APAF1: variants seen among roughly 807,000 people sequenced by gnomAD.
The protein encoded by APAF1 is apoptotic peptidase activating factor 1, also known as apoptotic protease-activating factor 1.
APAF1 carries 91 observed loss-of-function variants against 152.4 expected under a neutral mutation model. The ratio of observed to expected loss-of-function variants is 0.60; its 90% CI spans 0.50 to 0.71. APAF1 has a LOEUF of 0.71. APAF1 is among the 30% of genes least tolerant of loss of function. APAF1 has a pLI of 0.00. For missense variants in APAF1, 1,283 were observed against 1,472.0 expected (o/e 0.87, Z 2.10); for synonymous variants, 484 against 494.1 (o/e 0.98, Z 0.27).
At chr12:98,676,528 A>G (rs1008400047) in intron 12 of APAF1, among the ~76,000 whole-genome samples, 6 of 152,224 alleles carry the variant, frequency 3.9e-5, no homozygotes, top group African/African-American at 1.4e-4. Context: ...TTTAGATACT[A>G]TGAGCAGTAA....
intron 14 of APAF1, 152 bp from the exon 15 acceptor site, chr12:98,682,991 A>G: frequency 1.5e-6 from 1 of 665,520 alleles, no homozygotes; most frequent in Non-Finnish European, 2.6e-6. Flanking sequence ...TATTTTAGAA[A>G]GGGGAGAGGT....
rs974786633 is a variant in APAF1 at position 98,665,438 on chromosome 12, G to A, written c.956-115G>A. The A allele has an allele frequency of 1.3e-5, 10 of 795,232 alleles. No individual in the cohort carries two copies. The African/African-American group carries it at 1.4e-4, about 11-fold the overall frequency. The allele number at this position is 795,232 out of a possible 1,614,324, so 49.3% of individuals were successfully genotyped here. A position where few individuals can be genotyped will look rare whatever the true frequency, so the allele number is the denominator to read the frequency against. ...AAGTCAAGAGTGATAAATACTTAAG[G>A]CTTTTGATAACATGCAGCAGAAATT... On this transcript the variant is annotated intron_variant, in intron 7 of 26. Transcript: ENST00000551964.
At chr12:98,700,690 T>C (rs1167693202) in intron 17 of APAF1, among the ~76,000 whole-genome samples, 1 of 152,250 alleles carries the variant, frequency 6.6e-6, no homozygotes, top group Non-Finnish European at 1.5e-5. Flanking sequence ...CACAATGCTG[T>C]GTAGCCATTA....
intron 22 of APAF1, among the ~76,000 whole-genome samples, chr12:98,717,323 AATATAT>A (rs1316434572): frequency 6.6e-6 from 1 of 151,238 alleles, no homozygotes; most frequent in African/African-American, 2.4e-5. Flanking sequence ...CAGACAGGTA[AATATAT>A]ATAATATATA....
chr12:98,648,348 A>G lies in APAF1; in HGVS notation c.-12A>G, dbSNP rs1365940627. 6.2e-7 allele frequency: 1 copy of G among 1,614,072 alleles called. No individual in the cohort carries two copies. The highest frequency in any genetic ancestry group is 8.5e-7 in the Non-Finnish European group (1 of 1,179,978). On this transcript the variant is annotated 5_prime_UTR_variant, in exon 2 of 27. Transcript: ENST00000551964. ...TGGTTGACAGCTCAGAGAGAGAAAGATCTGAGGGAAGATGGATGCAAAAGC... is the reference window on the plus strand; with the variant it reads ...TGGTTGACAGCTCAGAGAGAGAAAGGTCTGAGGGAAGATGGATGCAAAAGC...
At chr12:98,697,345 G>T (rs1223183432) in intron 16 of APAF1, among the ~76,000 whole-genome samples, 1 of 152,098 alleles carries the variant, frequency 6.6e-6, no homozygotes, top group African/African-American at 2.4e-5. Flanking sequence ...AGTTATTTAT[G>T]TGCTTGTCTT....
rs916808744 is a variant in APAF1, at chr12:98,734,197, C to T, written c.*1631C>T. ...CTAGAAGATTAACCTTCCAGCCAAC[C>T]TATTTTCCTTTCCCTTGTCTCTCTC... On this transcript the variant is annotated 3_prime_UTR_variant, in exon 27 of 27. Coordinates refer to ENST00000551964, the MANE Select transcript of APAF1 (RefSeq NM_181861.2). The T allele has an allele frequency of 6.6e-6, 1 of 152,162 alleles. No homozygotes were observed. The highest frequency in any genetic ancestry group is 1.9e-4 in the East Asian group (1 of 5,198). The allele number at this position is 152,162 out of a possible 1,614,324, so 9.4% of individuals were successfully genotyped here.
In APAF1 at chr12:98,735,174, C is replaced by T. The variant is rs765914551; in HGVS notation, c.*2608C>T. On this transcript the variant is annotated 3_prime_UTR_variant, in exon 27 of 27. Transcript: ENST00000551964. ...CAAATTTCATGGCAGTTCATGCAGT[C>T]GGTCAAGAGGAGGATTTTGTTTTGT... is the stretch of plus-strand genomic sequence containing the variant. The T allele has an allele frequency of 1.1e-4, 43 of 398,688 alleles. No homozygotes were observed. The highest frequency in any genetic ancestry group is 8.5e-4 in the East Asian group (24 of 28,086). The allele number at this position is 398,688 out of a possible 1,614,324, so 24.7% of individuals were successfully genotyped here.
rs1593119724 is a variant in APAF1, at chr12:98,727,199, T to G, written c.3483T>G (p.Leu1161=). 1 of 1,614,172 alleles carries G rather than the reference T, an allele frequency of 6.2e-7. No individual in the cohort carries two copies. Among genetic ancestry groups the G allele is most frequent in the Non-Finnish European group, 8.5e-7 (1 of 1,180,006 alleles). Residue 1161 remains leucine, a synonymous_variant, in exon 26 of 27, where the codon CTT becomes CTG. Transcript: ENST00000551964. Reference sequence around the variant, plus strand: ...TATGGAATGTCTCAAACGGTGAGCTTCTTCATTTGTGTGCTCCGCTTTCAG... The same window carrying G: ...TATGGAATGTCTCAAACGGTGAGCTGCTTCATTTGTGTGCTCCGCTTTCAG... ...IRIWNVSNGE[L]LHLCAPLSEE... is the part of the protein sequence containing the mutation.
intron 16 of APAF1, among the ~76,000 whole-genome samples, chr12:98,698,453 A>G (rs1034489810): frequency 1.3e-5 from 2 of 152,212 alleles, no homozygotes; most frequent in African/African-American, 4.8e-5. Context: ...TCTCTTTAGT[A>G]TCAGGGAAGG....
chr12:98,726,210 A>G (rs879645177), intron 25 of APAF1, among the ~76,000 whole-genome samples: 1 of 152,198 alleles, frequency 6.6e-6, no homozygotes, highest in African/African-American at 2.4e-5. Context: ...TTAGAAAACA[A>G]TCTTTTTAGG....
At chr12:98,723,139 C>T in intron 22 of APAF1, 54 bp from the exon 23 acceptor site, 1 of 1,588,964 alleles carries the variant, frequency 6.3e-7, no homozygotes, top group Admixed American at 1.7e-5. Flanking sequence ...TCCACCCCTC[C>T]AATGAGATAG....
At chr12:98,693,231 T>C (rs1376156644) in intron 16 of APAF1, among the ~76,000 whole-genome samples, 2 of 152,060 alleles carry the variant, frequency 1.3e-5, no homozygotes, top group African/African-American at 4.8e-5. Context: ...TCAGCTTTAA[T>C]GTTATTGATG....
At position 98,656,285 on chromosome 12, in the gene APAF1, T is replaced by A. The variant is rs551768246; in HGVS notation, c.527-2875T>A. On this transcript the variant is annotated intron_variant, in intron 4 of 26. Coordinates refer to ENST00000551964, the MANE Select transcript of APAF1 (RefSeq NM_181861.2). ...CGGAGTAAATTTTTCCAAACTTTAT[T>A]CTCTGCAATTATAAATATATACACA... 5.3e-5 allele frequency among the ~76,000 whole-genome samples: 8 copies of A among 152,296 alleles called. No homozygotes were observed. The East Asian group carries it at 9.6e-4, about 18-fold the overall frequency.
intron 10 of APAF1, among the ~76,000 whole-genome samples, chr12:98,669,943 T>G (rs2097677998): frequency 1.4e-5 from 2 of 144,554 alleles, no homozygotes; most frequent in African/African-American, 5.1e-5. Flanking sequence ...CCCTTGCCCT[T>G]TCTTTGACAG....
chr12:98,711,911 G>A (rs1409298312), intron 20 of APAF1, among the ~76,000 whole-genome samples: 1 of 152,284 alleles, frequency 6.6e-6, no homozygotes, highest in Middle Eastern at 3.4e-3. Context: ...TTTTATGTCT[G>A]TCTCAGTCTT....
intron 23 of APAF1, 130 bp from the exon 24 acceptor site, chr12:98,723,504 TTAAAG>T (rs2097746009): frequency 2.0e-6 from 2 of 1,003,266 alleles, no homozygotes; most frequent in African/African-American, 1.6e-5. Flanking sequence ...TTAGTCACAT[TTAAAG>T]TAAAGGGGTC....
In APAF1 at chr12:98,693,848, A is replaced by G. The variant is rs1420084279; in HGVS notation, c.2305-5560A>G. On this transcript the variant is annotated intron_variant, in intron 16 of 26. Transcript: ENST00000551964. Reference sequence around the variant, plus strand: ...GCTTACTTTTTCAGCTTGGTGGAGAATCTCCTCTAGCTTCCTAAGAAAGAA... The same window carrying G: ...GCTTACTTTTTCAGCTTGGTGGAGAGTCTCCTCTAGCTTCCTAAGAAAGAA... Among the ~76,000 whole-genome samples the G allele has an allele frequency of 3.3e-5, 5 of 150,636 alleles. No individual in the cohort carries two copies. In the South Asian group the frequency reaches 1.0e-3, roughly 32 times the overall value.
At chr12:98,648,580 G>A (rs779225119) in intron 2 of APAF1, 46 bp from the exon 3 acceptor site, 2 of 1,609,434 alleles carry the variant, frequency 1.2e-6, no homozygotes, top group East Asian at 2.2e-5. Context: ...ACTTTATGTT[G>A]CATACATATT....
Sources: gnomAD v4.1 joint callset for allele counts (sites outside exome capture counted in the v4.1 genomes callset) on GRCh38, gnomAD v4.1.1 for gene constraint, MANE v1.5 for transcripts, NCBI Gene and HGNC (gene_info 2026-07-23, HGNC 2026-07-21) for gene names.